The following NAALADL2 variants were observed in gnomAD, a reference collection of about 807,000 sequenced individuals.
The protein encoded by NAALADL2 is N-acetylated alpha-linked acidic dipeptidase like 2, also known as inactive N-acetylated-alpha-linked acidic dipeptidase-like protein 2.
A neutral mutation model predicts 87.2 loss-of-function variants in NAALADL2; 76 were observed. That is an observed-to-expected ratio of 0.87 (90% CI 0.72 to 1.05). The LOEUF (loss-of-function observed/expected upper bound fraction) is 1.05, where lower values mean the gene tolerates loss of function less well. Ranked by LOEUF, NAALADL2 falls within the 50% of genes least tolerant of loss-of-function variation. NAALADL2 has a pLI of 0.00. For missense variants in NAALADL2, 1,089 were observed against 945.8 expected (o/e 1.15, Z -1.99); for synonymous variants, 354 against 331.0 (o/e 1.07, Z -0.75).
At chr3:175,029,934 A>AC (rs1168982497) in intron 1 of NAALADL2, among the ~76,000 whole-genome samples, 1 of 152,086 alleles carries the variant, frequency 6.6e-6, no homozygotes, top group Non-Finnish European at 1.5e-5. Flanking sequence ...GGCAATATAT[A>AC]TGTTAGAAAT....
rs183955110 is a variant in NAALADL2 at position 175,700,526 on chromosome 3, T to C, written c.1897-36780T>C. The stretch of plus-strand genomic sequence containing the variant: ...CTGATGATACGTATTGAAGATCTTG[T>C]TGCTCTTTGCAATGAATATGTGATT... On this transcript the variant is annotated intron_variant, in intron 11 of 13. Transcript: ENST00000454872. 3.3e-3 allele frequency among the ~76,000 whole-genome samples: 498 copies of C among 152,302 alleles called. 7 individuals carry two copies. The highest frequency in any genetic ancestry group is 0.012 in the African/African-American group (488 of 41,578).
intron 9 of NAALADL2, among the ~76,000 whole-genome samples, chr3:175,529,754 T>C (rs1733859559): frequency 6.6e-6 from 1 of 152,174 alleles, no homozygotes. Context: ...CAATGCTGTG[T>C]GGAATACCAT....
intron 2 of NAALADL2, among the ~76,000 whole-genome samples, chr3:174,569,716 T>G (rs1256685290): frequency 6.6e-6 from 1 of 152,150 alleles, no homozygotes; most frequent in Non-Finnish European, 1.5e-5. Context: ...TATTCTAGGC[T>G]AGTTTAGCTG....
intron 2 of NAALADL2, among the ~76,000 whole-genome samples, chr3:175,171,899 C>T (rs1373180116): frequency 2.6e-5 from 4 of 151,962 alleles, no homozygotes; most frequent in Non-Finnish European, 5.9e-5. Flanking sequence ...TTACCAAAAG[C>T]TAGGAAGGTT....
intron 1 of NAALADL2, among the ~76,000 whole-genome samples, chr3:174,463,599 CTTTTTT>C (rs57673935): frequency 8.2e-6 from 1 of 121,508 alleles, no homozygotes. Context: ...TAAAGATTAT[CTTTTTT>C]TTTTTTTTTT....
chr3:175,182,416 C>T (rs1372198345), intron 2 of NAALADL2, among the ~76,000 whole-genome samples: 1 of 151,766 alleles, frequency 6.6e-6, no homozygotes, highest in Non-Finnish European at 1.5e-5. Flanking sequence ...GACACAGGGT[C>T]TCTCTCTGTC....
At chr3:174,893,315 C>CA (rs1051951268) in intron 1 of NAALADL2, among the ~76,000 whole-genome samples, 20 of 142,984 alleles carry the variant, frequency 1.4e-4, no homozygotes, top group Non-Finnish European at 2.6e-4. Context: ...CTTCAACCCC[C>CA]CCCCGCAAAA....
intron 1 of NAALADL2, among the ~76,000 whole-genome samples, chr3:174,972,795 A>G (rs1007904388): frequency 6.6e-5 from 10 of 152,056 alleles, no homozygotes; most frequent in African/African-American, 2.4e-4. Flanking sequence ...CAGGAGTTCG[A>G]GACCAGACTC....
intron 1 of NAALADL2, among the ~76,000 whole-genome samples, chr3:174,451,594 T>C (rs1276456144): frequency 6.6e-6 from 1 of 152,178 alleles, no homozygotes; most frequent in Non-Finnish European, 1.5e-5. Flanking sequence ...AACCTGTAAA[T>C]TACTGTTTGG....
At chr3:175,092,316 A>C (rs141880865) in intron 1 of NAALADL2, among the ~76,000 whole-genome samples, 9 of 151,054 alleles carry the variant, frequency 6.0e-5, no homozygotes, top group African/African-American at 2.2e-4. Context: ...TAGCCTCACT[A>C]TGAAGTCCAC....
At chr3:175,717,588 G>T (rs1420723153) in intron 11 of NAALADL2, among the ~76,000 whole-genome samples, 1 of 151,424 alleles carries the variant, frequency 6.6e-6, no homozygotes, top group Admixed American at 6.6e-5. Context: ...GCTACTTGGG[G>T]TGTTTAGGGG....
Position 175,313,598 on chromosome 3 carries a change from C to T in NAALADL2, c.940-10577C>T, listed in dbSNP as rs556295183. ...GGGTGAGAAGGCAATTTAGGAGCAT[C>T]TGTGAATGGACGAAATCCTACCTGT... On this transcript the variant is annotated intron_variant, in intron 4 of 13. Coordinates refer to ENST00000454872, the MANE Select transcript of NAALADL2 (RefSeq NM_207015.3). 8.6e-4 allele frequency among the ~76,000 whole-genome samples: 131 copies of T among 152,298 alleles called. 1 individual carries two copies. Among genetic ancestry groups the T allele is most frequent in the African/African-American group, 3.0e-3 (125 of 41,558 alleles).
intron 11 of NAALADL2, among the ~76,000 whole-genome samples, chr3:175,680,999 T>A (rs1355490460): frequency 6.6e-6 from 1 of 151,946 alleles, no homozygotes; most frequent in African/African-American, 2.4e-5. Context: ...TGTAGTCCCA[T>A]CTACTCAGAA....
chr3:174,901,387 G>A (rs1031623113), intron 1 of NAALADL2, among the ~76,000 whole-genome samples: 3 of 152,134 alleles, frequency 2.0e-5, no homozygotes, highest in Non-Finnish European at 2.9e-5. Flanking sequence ...TGGGTAGGAG[G>A]CCTAATACCC....
chr3:175,220,080 G>C (rs11717131), intron 2 of NAALADL2, among the ~76,000 whole-genome samples: 25,022 of 151,274 alleles, frequency 0.17, 2,417 homozygotes, highest in East Asian at 0.25. Flanking sequence ...TAAAACAAAT[G>C]CTACCAGGTC....
chr3:174,893,614 G>T (rs1731132954), intron 1 of NAALADL2, among the ~76,000 whole-genome samples: 1 of 152,140 alleles, frequency 6.6e-6, no homozygotes, highest in Non-Finnish European at 1.5e-5. Context: ...ATTGATTATT[G>T]ATGCAAATAG....
intron 1 of NAALADL2, among the ~76,000 whole-genome samples, chr3:174,977,477 C>T (rs963248796): frequency 6.6e-6 from 1 of 152,182 alleles, no homozygotes; most frequent in Non-Finnish European, 1.5e-5. Flanking sequence ...TCAAATTCTT[C>T]ACTATAAATT....
At chr3:174,869,704 TAGTGTC>T (rs1560304102) in intron 1 of NAALADL2, among the ~76,000 whole-genome samples, 1 of 151,970 alleles carries the variant, frequency 6.6e-6, no homozygotes, top group Non-Finnish European at 1.5e-5. Flanking sequence ...AGGCAAGAGA[TAGTGTC>T]AGTGAATGTG....
chr3:174,543,139 T>G (rs1722400547), intron 1 of NAALADL2, among the ~76,000 whole-genome samples: 1 of 152,154 alleles, frequency 6.6e-6, no homozygotes, highest in African/African-American at 2.4e-5. Context: ...TTATTAGATG[T>G]GAGAAGCAGG....
Sources: allele counts gnomAD v4.1 joint callset (sites outside exome capture counted in the v4.1 genomes callset), GRCh38; gene constraint gnomAD v4.1.1; transcripts MANE v1.5; gene names NCBI Gene and HGNC (gene_info 2026-07-23, HGNC 2026-07-21).